The following MTOR variants were observed in gnomAD, a reference collection of about 807,000 sequenced individuals.
MTOR encodes mechanistic target of rapamycin kinase.
Under a neutral mutation model 319.8 loss-of-function variants are expected in MTOR, and 70 were observed. The observed-to-expected ratio is 0.22, with a 90% confidence interval of 0.18 to 0.27. MTOR has a LOEUF of 0.27. Ranked by LOEUF, MTOR falls within the 10% of genes least tolerant of loss-of-function variation. The probability of loss-of-function intolerance (pLI) is 1.00; values close to 1 mark genes in which losing one functional copy is unlikely to be tolerated. For missense variants in MTOR, 1,890 were observed against 3,274.4 expected, an observed-to-expected ratio of 0.58 and a Z score of 10.32; for synonymous variants, 1,183 against 1,211.4, an observed-to-expected ratio of 0.98 and a Z score of 0.49.
chr1:11,206,877 C>A (rs1184475386), intron 25 of MTOR, among the ~76,000 whole-genome samples: 1 of 152,158 alleles, frequency 6.6e-6, no homozygotes, highest in Non-Finnish European at 1.5e-5. Context: ...AGTAAAGCTG[C>A]TGAAAATTCT....
At chr1:11,244,897 A>G (rs1648617226) in intron 8 of MTOR, among the ~76,000 whole-genome samples, 2 of 152,214 alleles carry the variant, frequency 1.3e-5, no homozygotes, top group African/African-American at 4.8e-5. Context: ...AGAGTAGGCT[A>G]TACCATCTGG....
chr1:11,209,440 C>T lies in MTOR; in HGVS notation c.3673G>A (p.Glu1225Lys). 20 of 1,614,206 alleles carry T rather than the reference C, an allele frequency of 1.2e-5. No homozygotes were observed. The highest frequency in any genetic ancestry group is 1.7e-5 in the Non-Finnish European group (20 of 1,180,030). ...RIVKGYTLAD[E>K]EEDPLIYQHR... ...TGGTAAATCAAAGGATCCTCCTCTT[C>T]ATCAGCAAGTGTGTATCCCTACAAC... The change falls in exon 25 of 58, where the codon GAA becomes AAA. Residue 1225 changes from glutamate (E) to lysine (K), a missense_variant. Physicochemically the swap from Glu to Lys is moderately conservative, Grantham distance 56. Coordinates refer to ENST00000361445, the MANE Select transcript of MTOR (RefSeq NM_004958.4).
intron 28 of MTOR, among the ~76,000 whole-genome samples, chr1:11,179,285 A>G (rs1353313673): frequency 6.6e-6 from 1 of 152,230 alleles, no homozygotes; most frequent in Non-Finnish European, 1.5e-5. Context: ...GATGCAGCAT[A>G]CAATTCAAGG....
In MTOR at chr1:11,130,539, T is replaced by A. The variant is rs774743995; in HGVS notation, c.5603A>T (p.Lys1868Met). Residue 1868 changes from lysine (K) to methionine (M), a missense_variant, in exon 39 of 58, where the codon AAG becomes ATG. Coordinates refer to ENST00000361445, the MANE Select transcript of MTOR (RefSeq NM_004958.4). ...NSPTPSPLQKKVTEDLSKTLL... is the reference protein window; with the variant it reads ...NSPTPSPLQKMVTEDLSKTLL... ...AGAAGGGAAGGGTACCTCAGTGACCTTCTTCTGCAGCGGCGATGGGGTGGG... is the reference window on the plus strand; with the variant it reads ...AGAAGGGAAGGGTACCTCAGTGACCATCTTCTGCAGCGGCGATGGGGTGGG... 6.2e-7 allele frequency: 1 copy of A among 1,613,076 alleles called. No homozygotes were observed. Among genetic ancestry groups the A allele is most frequent in the Non-Finnish European group, 8.5e-7 (1 of 1,179,592 alleles).
Position 11,127,926 on chromosome 1 carries a change from A to T in MTOR, c.6033+78T>A, listed in dbSNP as rs2100411331. ...AGAGGAAGTGCACAGCACCAATGCG[A>T]GGAAGAAAAACAATCCCACTTGCGC... On this transcript the variant is annotated intron_variant, in intron 43 of 57. Transcript: ENST00000361445. This position sits in a 1 kb window ranked among gnomAD's most constrained non-coding sequence, Gnocchi z 5.5. 1 of 1,595,114 alleles carries T rather than the reference A, an allele frequency of 6.3e-7. No homozygotes were observed. Among genetic ancestry groups the T allele is most frequent in the South Asian group, 1.1e-5 (1 of 88,124 alleles).
chr1:11,231,518 T>C lies in MTOR; in HGVS notation c.2515-84A>G. ...TGAACTCTTTGTATAATGATTATAA[T>C]GAAGTGTTAGAGGCTGTAAGAAGAA... On this transcript the variant is annotated intron_variant, in intron 16 of 57. Transcript: ENST00000361445. 11 of 1,527,144 alleles carry C rather than the reference T, an allele frequency of 7.2e-6. No individual in the cohort carries two copies. The South Asian group carries it at 1.1e-4, about 15-fold the overall frequency. The allele number at this position is 1,527,144 out of a possible 1,614,324, so 94.6% of individuals were successfully genotyped here. A position where few individuals can be genotyped will look rare whatever the true frequency, so the allele number is the denominator to read the frequency against.
intron 34 of MTOR, 115 bp downstream of exon 34, chr1:11,144,533 G>A: frequency 1.3e-6 from 1 of 760,652 alleles, no homozygotes; most frequent in Non-Finnish European, 2.2e-6. Context: ...CAATACACTG[G>A]TGGAGGAGGC....
rs1643000548 is a variant in MTOR, at chr1:11,129,299, T to G, written c.5715-348A>C. On this transcript the variant is annotated intron_variant, in intron 40 of 57. Coordinates refer to ENST00000361445, the MANE Select transcript of MTOR (RefSeq NM_004958.4). The surrounding 1 kb of genome is among the most constrained non-coding windows in gnomAD (Gnocchi z 4.7). ...CAGAGGCAACAGGGACACCTGGCTC[T>G]TAGCTGGCTGGAGATCCTCAAATGA... Among the ~76,000 whole-genome samples the G allele has an allele frequency of 6.6e-6, 1 of 152,230 alleles. No homozygotes were observed. The highest frequency in any genetic ancestry group is 6.5e-5 in the Admixed American group (1 of 15,286).
Position 11,199,720 on chromosome 1 carries a change from T to A in MTOR, c.3945-17A>T. On this transcript the variant is annotated splice_polypyrimidine_tract_variant and intron_variant, in intron 26 of 57. Coordinates refer to ENST00000361445, the MANE Select transcript of MTOR (RefSeq NM_004958.4). This position sits in a 1 kb window ranked among gnomAD's most constrained non-coding sequence, Gnocchi z 4.5. Reference sequence around the variant, plus strand: ...AAGAGATCCCTGAAGGCAGAGAAGGTGGAAAATGGAGAGACCTCCCGTGCC... The same window carrying A: ...AAGAGATCCCTGAAGGCAGAGAAGGAGGAAAATGGAGAGACCTCCCGTGCC... The A allele has an allele frequency of 1.2e-6, 2 of 1,612,238 alleles. No individual in the cohort carries two copies. Among genetic ancestry groups the A allele is most frequent in the Non-Finnish European group, 1.7e-6 (2 of 1,178,682 alleles).
At chr1:11,173,017 C>T (rs1644872679) in intron 28 of MTOR, among the ~76,000 whole-genome samples, 1 of 149,840 alleles carries the variant, frequency 6.7e-6, no homozygotes, top group Admixed American at 6.6e-5. Flanking sequence ...TTTTTGAGAC[C>T]GAGTCTCACT....
chr1:11,176,318 C>T (rs971897239), intron 28 of MTOR, among the ~76,000 whole-genome samples: 43 of 152,170 alleles, frequency 2.8e-4, no homozygotes, highest in African/African-American at 9.9e-4. Context: ...CTTGGTGCCG[C>T]GTGACCTCTG....
chr1:11,193,549 G>A, intron 28 of MTOR: 1 of 1,547,212 alleles, frequency 6.5e-7, no homozygotes, highest in East Asian at 2.3e-5. Context: ...GCCCCTGCAA[G>A]TCCCTCACCA....
chr1:11,166,197 AC>A (rs1644638945), intron 29 of MTOR, among the ~76,000 whole-genome samples: 1 of 152,252 alleles, frequency 6.6e-6, no homozygotes, highest in African/African-American at 2.4e-5. Context: ...CAAGGACTTC[AC>A]GTCTAAAACA....
chr1:11,201,927 C>G (rs1224307492), intron 26 of MTOR, among the ~76,000 whole-genome samples: 1 of 152,138 alleles, frequency 6.6e-6, no homozygotes, highest in African/African-American at 2.4e-5. Context: ...CCCGCCTTAG[C>G]CTCCTGAGTA....
At chr1:11,130,396 A>G (rs1176360597) in intron 39 of MTOR, 133 bp downstream of exon 39, 37 of 1,382,246 alleles carry the variant, frequency 2.7e-5, no homozygotes, top group Non-Finnish European at 3.3e-5. Flanking sequence ...TGGATGGTAG[A>G]TAGGCAGTAT....
chr1:11,228,975 C>G (rs949699612), intron 18 of MTOR, 57 bp from the exon 19 acceptor site: 1 of 1,594,678 alleles, frequency 6.3e-7, no homozygotes, highest in Non-Finnish European at 8.6e-7. Context: ...TGACTTCAGG[C>G]AGAGCATGGT....
chr1:11,212,793 C>A lies in MTOR; in HGVS notation c.3398+3G>T. 1 of 1,609,494 alleles carries A rather than the reference C, an allele frequency of 6.2e-7. No homozygotes were observed. Among genetic ancestry groups the A allele is most frequent in the South Asian group, 1.1e-5 (1 of 90,922 alleles). On this transcript the variant is annotated splice_donor_region_variant and intron_variant, in intron 22 of 57. Coordinates refer to ENST00000361445, the MANE Select transcript of MTOR (RefSeq NM_004958.4). This position sits in a 1 kb window ranked among gnomAD's most constrained non-coding sequence, Gnocchi z 4.1. The stretch of plus-strand genomic sequence containing the variant: ...TTGCTAGTCCCAAAGAGGAGGTGCT[C>A]ACTTTCGAGATGGCAGTGGAGCTTC...
chr1:11,154,188 A>ACAACAACAACAG (rs1293628124), intron 30 of MTOR, among the ~76,000 whole-genome samples: 73 of 151,358 alleles, frequency 4.8e-4, no homozygotes, highest in African/African-American at 1.6e-3. Context: ...AACAACAACA[A>ACAACAACAACAG]CAACAACAAC....
chr1:11,134,858 T>C (rs1643329084), intron 36 of MTOR, among the ~76,000 whole-genome samples: 1 of 152,210 alleles, frequency 6.6e-6, no homozygotes, highest in Non-Finnish European at 1.5e-5. Context: ...AATAAAACTT[T>C]GGTATTTGTT....
Sources: gnomAD v4.1 joint callset for allele counts (sites outside exome capture counted in the v4.1 genomes callset) on GRCh38, gnomAD v4.1.1 for gene constraint, Gnocchi (gnomAD v3.1) non-coding constraint, MANE v1.5 for transcripts, NCBI Gene and HGNC (gene_info 2026-07-23, HGNC 2026-07-21) for gene names.